The following GABRA2 variants were observed in gnomAD, a reference collection of about 807,000 sequenced individuals.
The protein encoded by GABRA2 is gamma-aminobutyric acid receptor subunit alpha-2.
In GABRA2, 16 loss-of-function variants were observed where a neutral mutation model predicts 48.7. The observed-to-expected ratio is 0.33, with a 90% CI of 0.22 to 0.50. The LOEUF (loss-of-function observed/expected upper bound fraction) is 0.50. Ranked by LOEUF, GABRA2 falls within the 20% of genes least tolerant of loss-of-function variation. The pLI is 0.98. For missense variants in GABRA2, 275 were observed against 535.6 expected (o/e 0.51, Z 4.80); for synonymous variants, 185 against 184.5 (o/e 1.00, Z -0.02).
At chr4:46,335,415 C>T (rs1158032868) in intron 3 of GABRA2, among the ~76,000 whole-genome samples, 1 of 152,086 alleles carries the variant, frequency 6.6e-6, no homozygotes, top group Non-Finnish European at 1.5e-5. Context: ...TGGTGGCAAC[C>T]TGAGTCTCTG....
chr4:46,353,119 A>C (rs1452836422), intron 3 of GABRA2, among the ~76,000 whole-genome samples: 1 of 152,140 alleles, frequency 6.6e-6, no homozygotes, highest in Non-Finnish European at 1.5e-5. Context: ...CAAATTACAA[A>C]ATAACAATAA....
chr4:46,370,656 T>C (rs1446421439), intron 3 of GABRA2, among the ~76,000 whole-genome samples: 6 of 152,264 alleles, frequency 3.9e-5, no homozygotes, highest in African/African-American at 7.2e-5. Flanking sequence ...AAGCTCTTAA[T>C]TGGGATTTTC....
At chr4:46,332,573 C>A in intron 4 of GABRA2, 42 bp downstream of exon 4, 2 of 1,110,036 alleles carry the variant, frequency 1.8e-6, no homozygotes, top group Non-Finnish European at 2.8e-6. Flanking sequence ...CCCCCCACTC[C>A]CCATTATGTG....
chr4:46,277,396 T>C (rs527834530), intron 8 of GABRA2, among the ~76,000 whole-genome samples: 1 of 152,106 alleles, frequency 6.6e-6, no homozygotes, highest in African/African-American at 2.4e-5. Flanking sequence ...CTGTTAGCAC[T>C]CCCAGCCCAT....
At chr4:46,288,136 G>A (rs527576614) in intron 8 of GABRA2, among the ~76,000 whole-genome samples, 48 of 152,212 alleles carry the variant, frequency 3.2e-4, no homozygotes, top group Middle Eastern at 3.4e-3. Flanking sequence ...TGGGAATTGC[G>A]GGAGTTACAA....
At chr4:46,260,014 T>C (rs1336178603) in intron 9 of GABRA2, among the ~76,000 whole-genome samples, 3 of 151,888 alleles carry the variant, frequency 2.0e-5, no homozygotes, top group Non-Finnish European at 4.4e-5. Flanking sequence ...GAATACCCAC[T>C]GATAAATTCA....
At chr4:46,301,545 A>G (rs1277099190) in intron 8 of GABRA2, among the ~76,000 whole-genome samples, 1 of 152,096 alleles carries the variant, frequency 6.6e-6, no homozygotes, top group Non-Finnish European at 1.5e-5. Flanking sequence ...TTCAATGAAC[A>G]TGCCATTGTC....
In GABRA2 at chr4:46,245,271, C is replaced by A. The variant is rs1446316402; in HGVS notation, c.*5037G>T. ...CCAATTCAAAAAGTAAGGTATGAAA[C>A]AAATCAGTAATGAATATACATAACT... is the stretch of plus-strand genomic sequence containing the variant. On this transcript the variant is annotated 3_prime_UTR_variant, in exon 10 of 10. Transcript: ENST00000381620. 1.3e-5 allele frequency among the ~76,000 whole-genome samples: 2 copies of A among 151,088 alleles called. No individual in the cohort carries two copies. The highest frequency in any genetic ancestry group is 4.8e-5 in the African/African-American group (2 of 41,294).
intron 4 of GABRA2, among the ~76,000 whole-genome samples, chr4:46,320,347 G>A (rs1490026410): frequency 6.6e-6 from 1 of 151,814 alleles, no homozygotes; most frequent in Non-Finnish European, 1.5e-5. Context: ...TAGAAGAGAA[G>A]ATAGGCTCTT....
chr4:46,328,594 T>C lies in GABRA2; in HGVS notation c.255+4021A>G, dbSNP rs188351168. On this transcript the variant is annotated intron_variant, in intron 4 of 9. Coordinates refer to ENST00000381620, the MANE Select transcript of GABRA2 (RefSeq NM_000807.4). ...ATCCACTTTGACTTGTGGGTAATAA[T>C]ATGGCTATGTTTTCCCTTCCCATCA... is the stretch of plus-strand genomic sequence containing the variant. 1.3e-4 allele frequency among the ~76,000 whole-genome samples: 20 copies of C among 151,068 alleles called. No homozygotes were observed. The East Asian group carries it at 3.3e-3, about 25-fold the overall frequency.
In GABRA2 at chr4:46,250,056, T is replaced by C. The variant is rs796587387; in HGVS notation, c.*252A>G. The stretch of plus-strand genomic sequence containing the variant: ...AGGAAATTAATCAGGTCACTTGAAA[T>C]TCACTTTAAATCAGGTCCTAGGGTA... On this transcript the variant is annotated 3_prime_UTR_variant, in exon 10 of 10. Transcript: ENST00000381620. The C allele has an allele frequency of 1.3e-5, 5 of 374,800 alleles. No homozygotes were observed. The highest frequency in any genetic ancestry group is 6.2e-5 in the African/African-American group (3 of 48,312). The allele number at this position is 374,800 out of a possible 1,614,324, so 23.2% of individuals were successfully genotyped here. A position where few individuals can be genotyped will look rare whatever the true frequency, so the allele number is the denominator to read the frequency against.
intron 4 of GABRA2, 66 bp from the exon 5 acceptor site, chr4:46,312,782 C>G: frequency 1.3e-6 from 1 of 779,550 alleles, no homozygotes; most frequent in Non-Finnish European, 2.0e-6. Flanking sequence ...CGGTAAAATT[C>G]CAAAATAATA....
At chr4:46,303,151 C>CAAA (rs55754015) in intron 8 of GABRA2, 6 of 211,812 alleles carry the variant, frequency 2.8e-5, no homozygotes, top group Non-Finnish European at 4.5e-5. Flanking sequence ...ATTTTTTGAG[C>CAAA]AAAAAAAAAA....
chr4:46,338,621 T>C (rs748596372), intron 3 of GABRA2, among the ~76,000 whole-genome samples: 1 of 151,936 alleles, frequency 6.6e-6, no homozygotes, highest in Non-Finnish European at 1.5e-5. Context: ...GAGAAATATC[T>C]GATTTTCTGT....
chr4:46,370,404 CA>C (rs1714705838), intron 3 of GABRA2, among the ~76,000 whole-genome samples: 2 of 151,864 alleles, frequency 1.3e-5, no homozygotes, highest in East Asian at 3.9e-4. Context: ...ACAAAACAAA[CA>C]AACAAACAAA....
intron 7 of GABRA2, among the ~76,000 whole-genome samples, chr4:46,304,541 G>A (rs1726304148): frequency 6.6e-6 from 1 of 151,866 alleles, no homozygotes; most frequent in African/African-American, 2.4e-5. Context: ...GAGGGAATCA[G>A]CTTTCCACAC....
At chr4:46,256,136 C>A in intron 9 of GABRA2, 1 of 459,246 alleles carries the variant, frequency 2.2e-6, no homozygotes, top group Non-Finnish European at 3.9e-6. Flanking sequence ...GCTCATTGGT[C>A]AGATAATGCT....
intron 8 of GABRA2, among the ~76,000 whole-genome samples, chr4:46,271,449 T>G (rs956638156): frequency 1.1e-4 from 16 of 152,010 alleles, no homozygotes; most frequent in Admixed American, 8.5e-4. Context: ...TTAAATACCC[T>G]ATCCCCCAAA....
chr4:46,320,929 A>T (rs540749741), intron 4 of GABRA2, among the ~76,000 whole-genome samples: 52 of 152,078 alleles, frequency 3.4e-4, no homozygotes, highest in Middle Eastern at 3.4e-3. Flanking sequence ...TGGCATTCAC[A>T]TGCTCATTGT....
Sources: allele counts gnomAD v4.1 joint callset (sites outside exome capture counted in the v4.1 genomes callset), GRCh38; gene constraint gnomAD v4.1.1; transcripts MANE v1.5; gene names NCBI Gene and HGNC (gene_info 2026-07-23, HGNC 2026-07-21).